MICU3: variants seen among roughly 807,000 people sequenced by gnomAD.
The protein encoded by MICU3 is calcium uptake protein 3, mitochondrial.
In MICU3, 62 loss-of-function variants were observed where a neutral mutation model predicts 66.5. That is an observed-to-expected ratio of 0.93 (90% CI 0.76 to 1.15). The LOEUF (loss-of-function observed/expected upper bound fraction) is 1.15, where lower values mean the gene tolerates loss of function less well. Among genes scored for constraint, MICU3 ranks in the 50% most tolerant of loss-of-function variants. The pLI is 0.00. For synonymous variants in MICU3, 308 were observed against 240.7 expected, an observed-to-expected ratio of 1.28 and a Z score of -2.59; for missense variants, 779 against 664.4, an observed-to-expected ratio of 1.17 and a Z score of -1.90.
chr8:17,051,003 A>T (rs538379755), intron 1 of MICU3, among the ~76,000 whole-genome samples: 47 of 152,260 alleles, frequency 3.1e-4, no homozygotes, highest in Admixed American at 4.6e-4. Context: ...GAGTAGTTTG[A>T]AAGTCATGCA....
chr8:17,128,589 A>T, the MICU3 span, among the ~76,000 whole-genome samples: 1 of 152,334 alleles, frequency 6.6e-6, no homozygotes, highest in East Asian at 1.9e-4. Flanking sequence ...TTGGAGAGCC[A>T]TGACTATTAG....
intron 1 of MICU3, among the ~76,000 whole-genome samples, chr8:17,036,336 A>G (rs1812981401): frequency 6.6e-6 from 1 of 152,182 alleles, no homozygotes; most frequent in African/African-American, 2.4e-5. Context: ...AAGAGTGAGC[A>G]GTAGCAAGAT....
intron 8 of MICU3, among the ~76,000 whole-genome samples, chr8:17,097,660 C>A (rs548410479): frequency 6.6e-6 from 1 of 151,706 alleles, no homozygotes; most frequent in South Asian, 2.1e-4. Flanking sequence ...CTCACATTAA[C>A]CAAAAGACCA....
intron 8 of MICU3, 116 bp from the exon 9 acceptor site, chr8:17,098,342 A>C (rs1181049375): frequency 2.6e-6 from 2 of 780,714 alleles, no homozygotes; most frequent in Non-Finnish European, 4.5e-6. Context: ...CAAACAAACA[A>C]AAAAAGGTAA....
Position 17,068,640 on chromosome 8 carries a change from G to A in MICU3, c.536-1048G>A, listed in dbSNP as rs561589347. On this transcript the variant is annotated intron_variant, in intron 2 of 14. Coordinates refer to ENST00000318063, the MANE Select transcript of MICU3 (RefSeq NM_181723.3). ...GTATCAACTATCTTGGATAGATGAA[G>A]GATGTTGTTGCTACATAAAGAAGAA... 3.9e-5 allele frequency among the ~76,000 whole-genome samples: 6 copies of A among 152,236 alleles called. No homozygotes were observed. The South Asian group carries it at 8.3e-4, about 21-fold the overall frequency.
chr8:17,036,994 G>T (rs951059011), intron 1 of MICU3, among the ~76,000 whole-genome samples: 7 of 152,214 alleles, frequency 4.6e-5, no homozygotes, highest in Non-Finnish European at 1.0e-4. Flanking sequence ...GCGAGAAATC[G>T]AGCGCAGCGC....
chr8:17,079,241 G>A (rs553393456), intron 4 of MICU3, among the ~76,000 whole-genome samples: 5 of 152,184 alleles, frequency 3.3e-5, no homozygotes, highest in Non-Finnish European at 7.4e-5. Flanking sequence ...GCTACTAGCC[G>A]CATATGGCTG....
intron 1 of MICU3, among the ~76,000 whole-genome samples, chr8:17,036,706 T>C (rs899596627): frequency 2.6e-5 from 4 of 152,168 alleles, no homozygotes; most frequent in Admixed American, 1.3e-4. Flanking sequence ...GAGCTAGATA[T>C]AAAGACTCTC....
intron 1 of MICU3, among the ~76,000 whole-genome samples, chr8:17,047,530 A>C (rs189732313): frequency 6.6e-6 from 1 of 152,198 alleles, no homozygotes; most frequent in East Asian, 1.9e-4. Flanking sequence ...GATCAATAAA[A>C]ATATTTAGTC....
intron 1 of MICU3, among the ~76,000 whole-genome samples, chr8:17,048,734 G>A (rs1009961574): frequency 8.6e-5 from 13 of 152,014 alleles, no homozygotes; most frequent in Admixed American, 1.3e-4. Context: ...TCTTGCCTCC[G>A]CTTCCTGAGT....
the MICU3 span, chr8:17,131,705 T>C: frequency 3.3e-5 from 5 of 151,900 alleles, no homozygotes; most frequent in Admixed American, 3.3e-4. Context: ...CAGGGGAGGG[T>C]GGAGTGTGCC....
At chr8:17,045,966 C>T (rs1047770567) in intron 1 of MICU3, among the ~76,000 whole-genome samples, 2 of 152,190 alleles carry the variant, frequency 1.3e-5, no homozygotes, top group African/African-American at 2.4e-5. Flanking sequence ...ATGGTAGCTA[C>T]AATTCAAGAT....
At position 17,064,102 on chromosome 8, in the gene MICU3, G is replaced by T. The variant is rs201988057; in HGVS notation, c.400G>T (p.Asp134Tyr). 1 of 1,611,462 alleles carries T rather than the reference G, an allele frequency of 6.2e-7. No individual in the cohort carries two copies. The highest frequency in any genetic ancestry group is 2.2e-5 in the East Asian group (1 of 44,786). Residue 134 changes from aspartate to tyrosine, a missense_variant, in exon 2 of 15, where the codon GAC becomes TAC. By Grantham distance (160) the Asp-to-Tyr change is radical. Transcript: ENST00000318063. The part of the protein sequence containing the change: ...AKETVAIGRT[D>Y]IEDLDLYATS... The stretch of plus-strand genomic sequence containing the variant: ...ACTTTAGGTTGCTATTGGCAGAACA[G>T]ACATTGAAGACTTAGACCTTTATGC...
At chr8:17,136,021 T>C in the MICU3 span, among the ~76,000 whole-genome samples, 22 of 152,140 alleles carry the variant, frequency 1.4e-4, no homozygotes, top group Non-Finnish European at 2.6e-4. Context: ...AGCTAAAAAT[T>C]GTACTTACTC....
intron 13 of MICU3, among the ~76,000 whole-genome samples, chr8:17,117,996 T>C (rs1159627443): frequency 6.6e-6 from 1 of 152,244 alleles, no homozygotes; most frequent in Non-Finnish European, 1.5e-5. Flanking sequence ...TTTTAATGAC[T>C]TTAAAGTCCA....
chr8:17,108,336 G>A (rs1801913058), intron 11 of MICU3, among the ~76,000 whole-genome samples: 1 of 152,124 alleles, frequency 6.6e-6, no homozygotes, highest in Non-Finnish European at 1.5e-5. Context: ...TATCCACATT[G>A]TCTGCAGCTT....
At position 17,104,819 on chromosome 8, in the gene MICU3, C is replaced by A. The variant is rs1050852102; in HGVS notation, c.1085+328C>A. ...GACCATCCTGGCTAACACGGTGAAA[C>A]CCCGTCTCTACTAAAAATACAAAAA... On this transcript the variant is annotated intron_variant, in intron 10 of 14. Coordinates refer to ENST00000318063, the MANE Select transcript of MICU3 (RefSeq NM_181723.3). Among the ~76,000 whole-genome samples, 87 of 51,194 alleles carry A rather than the reference C, an allele frequency of 1.7e-3. 36 individuals are homozygous for A. In the African/African-American group the frequency reaches 0.02, roughly 12 times the overall value. The allele number at this position is 51,194 out of a possible 152,430, so 33.6% of individuals were successfully genotyped here.
intron 3 of MICU3, among the ~76,000 whole-genome samples, chr8:17,073,591 C>T (rs1484023293): frequency 6.6e-6 from 1 of 152,076 alleles, no homozygotes; most frequent in African/African-American, 2.4e-5. Context: ...AAATGTAATG[C>T]ACTTGAATCA....
At chr8:17,102,683 C>G (rs1801372562) in intron 9 of MICU3, 2 of 151,920 alleles carry the variant, frequency 1.3e-5, no homozygotes, top group South Asian at 4.1e-4. Context: ...ACTAATATCC[C>G]TCAAGTTTCA....
Sources: gnomAD v4.1 joint callset for allele counts (sites outside exome capture counted in the v4.1 genomes callset) on GRCh38, gnomAD v4.1.1 for gene constraint, MANE v1.5 for transcripts, NCBI Gene and HGNC (gene_info 2026-07-23, HGNC 2026-07-21) for gene names.